The following VPS41 variants were observed in gnomAD, a reference collection of about 807,000 sequenced individuals.
The protein encoded by VPS41 is VPS41 subunit of HOPS complex.
In VPS41, 85 loss-of-function variants were observed where a neutral mutation model predicts 130.9. That is an observed-to-expected ratio of 0.65 (90% CI 0.55 to 0.78). VPS41 has a LOEUF of 0.78. Among genes scored for constraint, VPS41 ranks in the 30% least tolerant of loss-of-function variants. VPS41 has a pLI of 0.00. For missense variants in VPS41, 874 were observed against 1,018.7 expected (o/e 0.86, Z 1.93); for synonymous variants, 335 against 332.9 (o/e 1.01, Z -0.07).
chr7:38,805,971 T>C (rs1784832706), intron 7 of VPS41, among the ~76,000 whole-genome samples: 1 of 152,190 alleles, frequency 6.6e-6, no homozygotes, highest in African/African-American at 2.4e-5. Flanking sequence ...CTGGCTTCTA[T>C]GGTAATATTA....
chr7:38,902,592 AC>A (rs1787168697), intron 1 of VPS41, among the ~76,000 whole-genome samples: 1 of 151,424 alleles, frequency 6.6e-6, no homozygotes. Flanking sequence ...GCACTCCACC[AC>A]CCCCACCACT....
At chr7:38,874,700 G>A (rs1269352249) in intron 2 of VPS41, among the ~76,000 whole-genome samples, 1 of 152,046 alleles carries the variant, frequency 6.6e-6, no homozygotes, top group African/African-American at 2.4e-5. Context: ...AACCTTTCAT[G>A]CAGTTTGAAC....
At chr7:38,759,433 A>G (rs1783869246) in intron 17 of VPS41, among the ~76,000 whole-genome samples, 2 of 152,328 alleles carry the variant, frequency 1.3e-5, no homozygotes, top group African/African-American at 4.8e-5. Flanking sequence ...AACCATCCCT[A>G]AAAGTATTCA....
intron 3 of VPS41, among the ~76,000 whole-genome samples, chr7:38,863,822 C>T (rs1317874365): frequency 6.6e-6 from 1 of 152,144 alleles, no homozygotes; most frequent in East Asian, 1.9e-4. Context: ...TCATCCAGGG[C>T]AGACAGCAAG....
Position 38,758,582 on chromosome 7 carries a change from A to G in VPS41, c.1423-101T>C, listed in dbSNP as rs1449957460. On this transcript the variant is annotated intron_variant, in intron 17 of 28. Coordinates refer to ENST00000310301, the MANE Select transcript of VPS41 (RefSeq NM_014396.4). ...TGGTCCTCCTTCTGTTTCCTGGCATATAACTCTCAAAATCCTTAGAATCTC... is the reference window on the plus strand; with the variant it reads ...TGGTCCTCCTTCTGTTTCCTGGCATGTAACTCTCAAAATCCTTAGAATCTC... 5 of 1,176,838 alleles carry G rather than the reference A, an allele frequency of 4.2e-6. No homozygotes were observed. In the Admixed American group the frequency reaches 7.4e-5, roughly 17 times the overall value. The allele number at this position is 1,176,838 out of a possible 1,614,324, so 72.9% of individuals were successfully genotyped here.
At chr7:38,864,409 CCTAAAA>C (rs1786183140) in intron 3 of VPS41, among the ~76,000 whole-genome samples, 1 of 151,982 alleles carries the variant, frequency 6.6e-6, no homozygotes, top group Non-Finnish European at 1.5e-5. Flanking sequence ...ACAGTCTCAT[CCTAAAA>C]CTAAAACTAT....
intron 3 of VPS41, 109 bp downstream of exon 3, chr7:38,869,037 G>A (rs997096091): frequency 6.4e-6 from 5 of 778,610 alleles, no homozygotes; most frequent in Non-Finnish European, 1.0e-5. Context: ...GTGGCAAGGA[G>A]ACAGAATCAC....
At chr7:38,817,089 A>G (rs1785065877) in intron 7 of VPS41, among the ~76,000 whole-genome samples, 3 of 152,190 alleles carry the variant, frequency 2.0e-5, no homozygotes, top group Non-Finnish European at 4.4e-5. Flanking sequence ...AAAATGTGCC[A>G]TGAACATGTC....
chr7:38,825,116 G>T (rs754748930), intron 5 of VPS41, among the ~76,000 whole-genome samples: 1 of 152,110 alleles, frequency 6.6e-6, no homozygotes, highest in African/African-American at 2.4e-5. Context: ...TTAAGAATTC[G>T]CCAGAAGCAA....
chr7:38,761,263 CTTTTTTTTTTTT>C (rs66692164), intron 17 of VPS41, among the ~76,000 whole-genome samples: 51 of 57,026 alleles, frequency 8.9e-4, no homozygotes, highest in Admixed American at 2.6e-3. Context: ...CTCTTCCTCT[CTTTTTTTTTTTT>C]TTTTTTTTTT....
At chr7:38,841,252 C>T (rs1034284264) in intron 4 of VPS41, among the ~76,000 whole-genome samples, 11 of 152,192 alleles carry the variant, frequency 7.2e-5, no homozygotes, top group African/African-American at 2.7e-4. Context: ...TCATTCCTCA[C>T]GAGTGTGGAT....
intron 7 of VPS41, 165 bp from the exon 8 acceptor site, chr7:38,797,029 T>A: frequency 1.4e-6 from 1 of 740,110 alleles, no homozygotes; most frequent in East Asian, 2.8e-5. Flanking sequence ...TTGGAAAGAA[T>A]TCCTAGCACA....
intron 11 of VPS41, chr7:38,775,793 G>C (rs1182039347): frequency 6.6e-6 from 1 of 150,502 alleles, no homozygotes; most frequent in Admixed American, 6.6e-5. Flanking sequence ...AGGGCTCCCA[G>C]GGTTTTTCTC....
At chr7:38,751,106 C>T (rs1783663157) in intron 22 of VPS41, among the ~76,000 whole-genome samples, 1 of 152,146 alleles carries the variant, frequency 6.6e-6, no homozygotes, top group African/African-American at 2.4e-5. Context: ...AGTTAACAGG[C>T]AGGCAAGATT....
chr7:38,835,526 A>G (rs1215407662), intron 4 of VPS41, among the ~76,000 whole-genome samples: 1 of 151,958 alleles, frequency 6.6e-6, no homozygotes, highest in Non-Finnish European at 1.5e-5. Flanking sequence ...AGTTATTAAT[A>G]AAGTCTAGTG....
intron 2 of VPS41, among the ~76,000 whole-genome samples, chr7:38,896,790 T>C (rs759852279): frequency 6.6e-6 from 1 of 152,242 alleles, no homozygotes; most frequent in Non-Finnish European, 1.5e-5. Flanking sequence ...CAGTGTGTAT[T>C]TCTAGCAGGT....
intron 3 of VPS41, among the ~76,000 whole-genome samples, chr7:38,867,917 A>T (rs1291828374): frequency 6.6e-6 from 1 of 152,250 alleles, no homozygotes; most frequent in Admixed American, 6.5e-5. Context: ...TAGAGTTAGG[A>T]TAATCAATCA....
At chr7:38,796,973 T>C (rs544196142) in intron 7 of VPS41, 109 bp from the exon 8 acceptor site, 110 of 1,268,768 alleles carry the variant, frequency 8.7e-5, no homozygotes, top group Non-Finnish European at 1.2e-4. Context: ...AACAAGTCAC[T>C]CTCGACGTCT....
At chr7:38,745,425 T>C (rs1268794854) in intron 23 of VPS41, 134 bp downstream of exon 23, 1 of 715,986 alleles carries the variant, frequency 1.4e-6, no homozygotes, top group Admixed American at 2.4e-5. Context: ...TTTCATATAT[T>C]AAATTATTGT....
Sources: gnomAD v4.1 joint callset for allele counts (sites outside exome capture counted in the v4.1 genomes callset) on GRCh38, gnomAD v4.1.1 for gene constraint, MANE v1.5 for transcripts, NCBI Gene and HGNC (gene_info 2026-07-23, HGNC 2026-07-21) for gene names.